Variants in TBC1D9 observed in about 807,000 individuals in gnomAD.
TBC1D9 encodes the protein TBC1 domain family member 9, also known as TBC1 domain family member 9A.
A neutral mutation model predicts 132.0 loss-of-function variants in TBC1D9; 63 were observed. That is an observed-to-expected ratio of 0.48 (90% CI 0.39 to 0.59). The LOEUF (loss-of-function observed/expected upper bound fraction) is 0.59. TBC1D9 is among the 20% of genes least tolerant of loss of function. The probability of loss-of-function intolerance (pLI) is 0.00; values close to 1 mark genes in which losing one functional copy is unlikely to be tolerated. For missense variants in TBC1D9, 1,261 were observed against 1,592.7 expected (o/e 0.79, Z 3.54); for synonymous variants, 610 against 609.9 (o/e 1.00, Z 0.00).
intron 1 of TBC1D9, among the ~76,000 whole-genome samples, chr4:140,735,323 T>C (rs907642066): frequency 2.0e-5 from 3 of 152,194 alleles, no homozygotes; most frequent in African/African-American, 7.2e-5. Context: ...GAAAAGTATT[T>C]ATCTAAGGAC....
chr4:140,754,314 G>A (rs1211427633), intron 1 of TBC1D9, among the ~76,000 whole-genome samples: 12 of 152,054 alleles, frequency 7.9e-5, no homozygotes, highest in Admixed American at 7.9e-4. Context: ...TGTTGTCCTA[G>A]GCTTAAAGGA....
chr4:140,680,917 C>A (rs1202860034), intron 3 of TBC1D9, among the ~76,000 whole-genome samples: 2 of 152,212 alleles, frequency 1.3e-5, no homozygotes, highest in Non-Finnish European at 2.9e-5. Context: ...TGGTTTCTAA[C>A]CACCACCAGT....
At chr4:140,624,509 AAAC>A (rs869167186) in intron 18 of TBC1D9, 121 bp from the exon 19 acceptor site, 72 of 767,306 alleles carry the variant, frequency 9.4e-5, no homozygotes, top group Middle Eastern at 5.4e-4. Context: ...GCAAACAAAC[AAAC>A]AAAAAAAAAC....
intron 1 of TBC1D9, 108 bp downstream of exon 1, chr4:140,755,808 C>T: frequency 7.3e-7 from 1 of 1,374,122 alleles, no homozygotes; most frequent in Middle Eastern, 2.6e-4. Flanking sequence ...GGGCGGGTCG[C>T]CCAGCCCCAG....
At position 140,743,615 on chromosome 4, in the gene TBC1D9, C is replaced by G. The variant is rs1405117588; in HGVS notation, c.130+12301G>C. ...TTTTGTCTGTGGCATTCCCTGCACA[C>G]TGCTGTGCCATGAAGCAGGCATGGG... On this transcript the variant is annotated intron_variant, in intron 1 of 20. Coordinates refer to ENST00000442267, the MANE Select transcript of TBC1D9 (RefSeq NM_015130.3). Among the ~76,000 whole-genome samples the G allele has an allele frequency of 3.9e-5, 6 of 152,188 alleles. No homozygotes were observed. The South Asian group carries it at 6.2e-4, about 16-fold the overall frequency.
chr4:140,709,244 T>TCACACACACACACACA (rs1446149939), intron 1 of TBC1D9, among the ~76,000 whole-genome samples: 2 of 107,266 alleles, frequency 1.9e-5, no homozygotes, highest in African/African-American at 8.5e-5. Context: ...TCTCTCTCTC[T>TCACACACACACACACA]CTCTCACACA....
intron 8 of TBC1D9, among the ~76,000 whole-genome samples, chr4:140,669,376 C>A (rs1303050083): frequency 1.3e-5 from 2 of 152,076 alleles, no homozygotes; most frequent in Non-Finnish European, 1.5e-5. Flanking sequence ...GCTGAGAAAT[C>A]GGGTATTTAT....
At chr4:140,749,548 T>C (rs940462654) in intron 1 of TBC1D9, among the ~76,000 whole-genome samples, 3 of 152,076 alleles carry the variant, frequency 2.0e-5, no homozygotes, top group Non-Finnish European at 4.4e-5. Context: ...ACTGCCCAGG[T>C]ATGGGGGCTC....
intron 1 of TBC1D9, among the ~76,000 whole-genome samples, chr4:140,705,067 AG>A (rs1348446979): frequency 5.3e-5 from 8 of 152,226 alleles, no homozygotes; most frequent in African/African-American, 1.7e-4. Flanking sequence ...TGAACATTTA[AG>A]GCACTGGATA....
chr4:140,740,786 T>G (rs1738747295), intron 1 of TBC1D9, among the ~76,000 whole-genome samples: 1 of 152,238 alleles, frequency 6.6e-6, no homozygotes, highest in Non-Finnish European at 1.5e-5. Context: ...ATCACTCATT[T>G]TGGCTGTCAA....
intron 1 of TBC1D9, among the ~76,000 whole-genome samples, chr4:140,709,219 A>ATCTCTC (rs145661338): frequency 0.014 from 1,274 of 88,078 alleles, 29 homozygotes; most frequent in South Asian, 0.061. Flanking sequence ...AACCAGCCTT[A>ATCTCTC]TCTCTCTCTC....
At chr4:140,642,084 G>A (rs1471836405) in intron 13 of TBC1D9, 5 of 710,510 alleles carry the variant, frequency 7.0e-6, no homozygotes, top group African/African-American at 7.0e-5. Context: ...AGGGGGCGGA[G>A]GAGGGGGTGT....
rs201871376 is a variant in TBC1D9, at chr4:140,756,083, T to A, written c.-38A>T. ...CGCGGGCGGGCGCACAATGGGCCCG[T>A]GGGTCCAGTCCTGCACCCACCACCG... On this transcript the variant is annotated 5_prime_UTR_variant, in exon 1 of 21. Coordinates refer to ENST00000442267, the MANE Select transcript of TBC1D9 (RefSeq NM_015130.3). This position sits in a 1 kb window ranked among gnomAD's most constrained non-coding sequence, Gnocchi z 5.6. 6.8e-5 allele frequency: 107 copies of A among 1,581,150 alleles called. No homozygotes were observed. The African/African-American group carries it at 1.3e-3, about 20-fold the overall frequency.
chr4:140,750,078 A>C (rs947444852), intron 1 of TBC1D9, among the ~76,000 whole-genome samples: 2 of 152,040 alleles, frequency 1.3e-5, no homozygotes, highest in Admixed American at 1.3e-4. Context: ...ATAATCAAAA[A>C]CGCTTGGCAA....
chr4:140,701,982 C>T (rs1738077491), intron 1 of TBC1D9, among the ~76,000 whole-genome samples: 1 of 152,118 alleles, frequency 6.6e-6, no homozygotes, highest in Admixed American at 6.5e-5. Flanking sequence ...AGACAGCATC[C>T]CCAGGGCATT....
At chr4:140,658,835 G>T (rs1427889485) in intron 11 of TBC1D9, among the ~76,000 whole-genome samples, 1 of 151,694 alleles carries the variant, frequency 6.6e-6, no homozygotes, top group Non-Finnish European at 1.5e-5. Context: ...CACACTTCTG[G>T]ATGCATGGTG....
At chr4:140,742,639 T>C (rs1738777540) in intron 1 of TBC1D9, among the ~76,000 whole-genome samples, 1 of 152,048 alleles carries the variant, frequency 6.6e-6, no homozygotes, top group African/African-American at 2.4e-5. Context: ...GGTTATTGAC[T>C]TCTTCACAGT....
rs1194823243 is a variant in TBC1D9 at position 140,706,696 on chromosome 4, G to T, written c.131-5082C>A. On this transcript the variant is annotated intron_variant, in intron 1 of 20. Transcript: ENST00000442267. This position sits in a 1 kb window ranked among gnomAD's most constrained non-coding sequence, Gnocchi z 4.0. ...ATCCAGGTCCTTATACTTTTACTGA[G>T]CCATGTTTTTCATATAAAAAATTTA... Among the ~76,000 whole-genome samples the T allele has an allele frequency of 6.6e-6, 1 of 151,734 alleles. No homozygotes were observed. Among genetic ancestry groups the T allele is most frequent in the East Asian group, 1.9e-4 (1 of 5,172 alleles).
chr4:140,688,705 T>C (rs745583876), intron 2 of TBC1D9, among the ~76,000 whole-genome samples: 11 of 152,090 alleles, frequency 7.2e-5, no homozygotes, highest in Admixed American at 2.0e-4. Flanking sequence ...ACAACAACCT[T>C]TACCCATCTC....
Sources: gnomAD v4.1 joint callset for allele counts (sites outside exome capture counted in the v4.1 genomes callset) on GRCh38, gnomAD v4.1.1 for gene constraint, Gnocchi (gnomAD v3.1) non-coding constraint, MANE v1.5 for transcripts, NCBI Gene and HGNC (gene_info 2026-07-23, HGNC 2026-07-21) for gene names.